The following SMARCA2 variants were observed in gnomAD, a reference collection of about 807,000 sequenced individuals.
The protein encoded by SMARCA2 is SWI/SNF-related matrix-associated actin-dependent regulator of chromatin subfamily A member 2.
A neutral mutation model predicts 199.8 loss-of-function variants in SMARCA2; 61 were observed. The ratio of observed to expected loss-of-function variants is 0.31; its 90% CI spans 0.25 to 0.38. The LOEUF (loss-of-function observed/expected upper bound fraction) is 0.38, where lower values mean the gene tolerates loss of function less well. Among genes scored for constraint, SMARCA2 ranks in the 10% least tolerant of loss-of-function variants. SMARCA2 has a pLI of 1.00. For synonymous variants in SMARCA2, 935 were observed against 732.0 expected, an observed-to-expected ratio of 1.28 and a Z score of -4.48; for missense variants, 1,344 against 2,012.2, an observed-to-expected ratio of 0.67 and a Z score of 6.35.
At chr9:2,147,439 A>T (rs1220125961) in intron 27 of SMARCA2, among the ~76,000 whole-genome samples, 1 of 152,222 alleles carries the variant, frequency 6.6e-6, no homozygotes, top group Non-Finnish European at 1.5e-5. Flanking sequence ...TCTGTTTGCC[A>T]CATCTTTCAT....
chr9:2,084,344 T>C, intron 17 of SMARCA2, 148 bp downstream of exon 17: 1 of 590,600 alleles, frequency 1.7e-6, no homozygotes, highest in East Asian at 2.8e-5. Flanking sequence ...TGATATGTTT[T>C]GGTCGTGGAT....
At chr9:2,073,382 T>G in intron 11 of SMARCA2, 40 bp downstream of exon 11, 1 of 1,611,098 alleles carries the variant, frequency 6.2e-7, no homozygotes, top group Middle Eastern at 1.7e-4. Context: ...TCTTTTAGCT[T>G]TTTAGATTTT....
Position 2,123,799 on chromosome 9 carries a change from C to T in SMARCA2, c.3843C>T (p.Pro1281=), listed in dbSNP as rs61736902. 1,255 of 1,613,854 alleles carry T rather than the reference C, an allele frequency of 7.8e-4. 16 individuals carry two copies. In the African/African-American group the frequency reaches 0.015, roughly 19 times the overall value. Residue 1281 remains proline (P), a synonymous_variant, in exon 27 of 34, where the codon CCC becomes CCT. Transcript: ENST00000349721. This position sits in a 1 kb window ranked among gnomAD's most constrained non-coding sequence, Gnocchi z 4.1. ...GTTTAATGGAGGAGGATGAGCTGCC[C>T]TCCTGGATCATTAAGGATGACGCTG... ...KPRLMEEDEL[P]SWIIKDDAEV...
At chr9:2,083,289 A>C in intron 15 of SMARCA2, 58 bp from the exon 16 acceptor site, 1 of 1,140,424 alleles carries the variant, frequency 8.8e-7, no homozygotes, top group Non-Finnish European at 1.3e-6. Context: ...ACATCTTTTT[A>C]ACCATTGATT....
rs752612894 is a variant in SMARCA2, at chr9:2,076,333, T to C, written c.2036+4T>C. On this transcript the variant is annotated splice_donor_region_variant and intron_variant, in intron 13 of 33. Transcript: ENST00000349721. Reference sequence around the variant, plus strand: ...AGGATGCTAAGCAGATCATTGAGTATGTACTGCATTTTTCCCTTGGAAATG... The same window carrying C: ...AGGATGCTAAGCAGATCATTGAGTACGTACTGCATTTTTCCCTTGGAAATG... The C allele has an allele frequency of 1.3e-6, 2 of 1,516,094 alleles. No homozygotes were observed. Among genetic ancestry groups the C allele is most frequent in the South Asian group, 1.1e-5 (1 of 88,074 alleles). 93.9% of individuals were successfully genotyped at this position (1,516,094 alleles called of 1,614,324 possible). A position where few individuals can be genotyped will look rare whatever the true frequency, so the allele number is the denominator to read the frequency against.
At chr9:2,145,297 C>A (rs1824679189) in intron 27 of SMARCA2, among the ~76,000 whole-genome samples, 1 of 125,466 alleles carries the variant, frequency 8.0e-6, no homozygotes, top group Non-Finnish European at 1.7e-5. Context: ...AGTGAAGACT[C>A]TTGTCTCAAA....
chr9:2,021,994 C>CGGCCTGAAGGAACGTGGAAAGACCAATGT (rs1818624351), intron 1 of SMARCA2: 1 of 151,704 alleles, frequency 6.6e-6, no homozygotes, highest in Non-Finnish European at 1.5e-5. Flanking sequence ...CACAGAGACC[C>CGGCCTGAAGGAACGTGGAAAGACCAATGT]GGCCTGAAGG....
chr9:2,072,984 G>A, intron 10 of SMARCA2: 2 of 498,600 alleles, frequency 4.0e-6, no homozygotes, highest in Non-Finnish European at 7.1e-6. Context: ...TCTGGTTGCT[G>A]GAGCTGAGGT....
chr9:2,136,091 C>T (rs1194706999), intron 27 of SMARCA2, among the ~76,000 whole-genome samples: 1 of 151,578 alleles, frequency 6.6e-6, no homozygotes, highest in Non-Finnish European at 1.5e-5. Context: ...CCGCCTGCCT[C>T]AGCCTCCCAA....
rs537113862 is a variant in SMARCA2, at chr9:2,177,616, G to C, written c.4254-3955G>C. 3.9e-5 allele frequency among the ~76,000 whole-genome samples: 6 copies of C among 151,954 alleles called. No homozygotes were observed. The South Asian group carries it at 6.2e-4, about 16-fold the overall frequency. ...TGCCCAGGCTGGAGTGCAGTGGCGC[G>C]ATCTCAGCTCACCACAACCTCCGCC... On this transcript the variant is annotated intron_variant, in intron 29 of 33. Coordinates refer to ENST00000349721, the MANE Select transcript of SMARCA2 (RefSeq NM_003070.5).
chr9:2,016,342 C>A lies in SMARCA2; in HGVS notation c.-37+938C>A, dbSNP rs535642407. 3.7e-3 allele frequency: 564 copies of A among 152,414 alleles called. 5 individuals are homozygous for A. Among genetic ancestry groups the A allele is most frequent in the African/African-American group, 0.013 (524 of 41,556 alleles). 9.4% of individuals were successfully genotyped at this position (152,414 alleles called of 1,614,324 possible). ...AGTTCGGGATGTCCGGCCCGGGCCG[C>A]ACTGCTGGAGGGAAGGGAGGAGGCC... On this transcript the variant is annotated intron_variant, in intron 1 of 33. Transcript: ENST00000349721. The surrounding 1 kb of genome is among the most constrained non-coding windows in gnomAD (Gnocchi z 5.6).
At chr9:2,157,449 C>G (rs1232732636) in intron 27 of SMARCA2, among the ~76,000 whole-genome samples, 1 of 152,152 alleles carries the variant, frequency 6.6e-6, no homozygotes, top group Non-Finnish European at 1.5e-5. Context: ...GGGTCCTCTT[C>G]TGGAATCCAA....
chr9:2,033,023 G>A lies in SMARCA2; in HGVS notation c.297G>A (p.Met99Ile), dbSNP rs1416769236. ...IHCGSMKGTG[M>I]RPPHPGMGPP... The stretch of plus-strand genomic sequence containing the variant: ...GTGGATCCATGAAGGGCACTGGTAT[G>A]CGACCACCTCACCCAGGCATGGGCC... The change falls in exon 3 of 34, where the codon ATG becomes ATA. Residue 99 changes from methionine (M) to isoleucine (I), a missense_variant. Physicochemically the swap from Met to Ile is conservative, Grantham distance 10. Around this residue, in one of 18 missense-constraint regions of SMARCA2, gnomAD observed 275 missense variants for 247.5 expected, o/e 1.11. Transcript: ENST00000349721. 2 of 1,614,144 alleles carry A rather than the reference G, an allele frequency of 1.2e-6. No homozygotes were observed. Among genetic ancestry groups the A allele is most frequent in the South Asian group, 2.2e-5 (2 of 91,080 alleles).
rs936404355 is a variant in SMARCA2 at position 2,170,716 on chromosome 9, T to C, written c.4253+244T>C. 6.6e-6 allele frequency among the ~76,000 whole-genome samples: 1 copy of C among 152,174 alleles called. No homozygotes were observed. Among genetic ancestry groups the C allele is most frequent in the African/African-American group, 2.4e-5 (1 of 41,446 alleles). On this transcript the variant is annotated intron_variant, in intron 29 of 33. Coordinates refer to ENST00000349721, the MANE Select transcript of SMARCA2 (RefSeq NM_003070.5). This position sits in a 1 kb window ranked among gnomAD's most constrained non-coding sequence, Gnocchi z 4.7. Reference sequence around the variant, plus strand: ...ATACATGCACTCCTTACAAGGGTATTGGGAGCTCCTGGAAAGCCCGCCCTA... The same window carrying C: ...ATACATGCACTCCTTACAAGGGTATCGGGAGCTCCTGGAAAGCCCGCCCTA...
intron 9 of SMARCA2, 125 bp from the exon 10 acceptor site, chr9:2,070,293 C>A (rs1032607191): frequency 1.3e-6 from 1 of 772,738 alleles, no homozygotes; most frequent in African/African-American, 1.7e-5. Context: ...AAGGCATTAA[C>A]ACTTAAGCTG....
chr9:2,064,948 G>T (rs1820763091), intron 9 of SMARCA2, among the ~76,000 whole-genome samples: 1 of 152,246 alleles, frequency 6.6e-6, no homozygotes, highest in African/African-American at 2.4e-5. Context: ...ACTTTGGGAG[G>T]CCGAGGCGGG....
chr9:2,170,366 G>C lies in SMARCA2; in HGVS notation c.4200-53G>C. On this transcript the variant is annotated intron_variant, in intron 28 of 33. Coordinates refer to ENST00000349721, the MANE Select transcript of SMARCA2 (RefSeq NM_003070.5). The surrounding 1 kb of genome is among the most constrained non-coding windows in gnomAD (Gnocchi z 4.7). ...CCAGCCTAGGAAGAAGGAGCCGGGC[G>C]GGGACGAGAACCCAGGTCTTCTGAC... The C allele has an allele frequency of 1.2e-6, 2 of 1,611,242 alleles. No homozygotes were observed. The highest frequency in any genetic ancestry group is 1.7e-6 in the Non-Finnish European group (2 of 1,178,386).
intron 27 of SMARCA2, among the ~76,000 whole-genome samples, chr9:2,156,307 G>T (rs1022359113): frequency 1.3e-5 from 2 of 150,768 alleles, no homozygotes; most frequent in South Asian, 4.2e-4. Context: ...ACCTGCAGTT[G>T]TTGGGGTTTA....
In SMARCA2 at chr9:2,193,535, G is replaced by A. The variant is rs1203286908; in HGVS notation, c.*796G>A. On this transcript the variant is annotated 3_prime_UTR_variant, in exon 34 of 34. Transcript: ENST00000349721. Reference sequence around the variant, plus strand: ...CTTTGCACAATGTCTTTGGTTGCAAGTCATAAGCCTGAGGCAAATAAAATT... The same window carrying A: ...CTTTGCACAATGTCTTTGGTTGCAAATCATAAGCCTGAGGCAAATAAAATT... 2 of 152,642 alleles carry A rather than the reference G, an allele frequency of 1.3e-5. No homozygotes were observed. Among genetic ancestry groups the A allele is most frequent in the South Asian group, 2.1e-4 (1 of 4,832 alleles). The allele number at this position is 152,642 out of a possible 1,614,324, so 9.5% of individuals were successfully genotyped here.
Sources: gnomAD v4.1 joint callset for allele counts (sites outside exome capture counted in the v4.1 genomes callset) on GRCh38, gnomAD v4.1.1 for gene constraint, gnomAD v4.1.1 regional missense constraint, Gnocchi (gnomAD v3.1) non-coding constraint, MANE v1.5 for transcripts, NCBI Gene and HGNC (gene_info 2026-07-23, HGNC 2026-07-21) for gene names.